The following CCBE1 variants were observed in gnomAD, a reference collection of about 807,000 sequenced individuals.
CCBE1 encodes the protein collagen and calcium binding EGF domains 1.
CCBE1 carries 37 observed loss-of-function variants against 50.0 expected under a neutral mutation model. That is an observed-to-expected ratio of 0.74 (90% CI 0.57 to 0.97). The LOEUF (loss-of-function observed/expected upper bound fraction) is 0.97, where lower values mean the gene tolerates loss of function less well. Ranked by LOEUF, CCBE1 falls within the 50% of genes least tolerant of loss-of-function variation. CCBE1 has a pLI of 0.00. For synonymous variants in CCBE1, 234 were observed against 203.7 expected (o/e 1.15, Z -1.27); for missense variants, 538 against 523.8 (o/e 1.03, Z -0.26).
At chr18:59,552,021 C>T (rs780340241) in intron 2 of CCBE1, among the ~76,000 whole-genome samples, 23 of 152,230 alleles carry the variant, frequency 1.5e-4, no homozygotes, top group Admixed American at 2.6e-4. Flanking sequence ...GTAACTGGCT[C>T]ACAGCTGGCC....
At chr18:59,692,074 T>C (rs1462296040) in intron 2 of CCBE1, among the ~76,000 whole-genome samples, 1 of 152,162 alleles carries the variant, frequency 6.6e-6, no homozygotes, top group Non-Finnish European at 1.5e-5. Context: ...TCTCCTACAT[T>C]TGAAAATAGC....
At chr18:59,667,123 G>T (rs967272037) in intron 2 of CCBE1, among the ~76,000 whole-genome samples, 2 of 151,792 alleles carry the variant, frequency 1.3e-5, no homozygotes, top group Admixed American at 1.3e-4. Flanking sequence ...AAAAAAAATA[G>T]CCAGGCCTGG....
intron 3 of CCBE1, among the ~76,000 whole-genome samples, chr18:59,470,284 G>A (rs978200526): frequency 6.6e-6 from 1 of 152,100 alleles, no homozygotes; most frequent in East Asian, 1.9e-4. Flanking sequence ...ATCAGATCTC[G>A]TGAGACTTAT....
At chr18:59,536,920 A>T (rs1915272298) in intron 2 of CCBE1, among the ~76,000 whole-genome samples, 1 of 149,874 alleles carries the variant, frequency 6.7e-6, no homozygotes, top group African/African-American at 2.5e-5. Flanking sequence ...TGATCTTGGG[A>T]GGCAGAGGTT....
intron 2 of CCBE1, among the ~76,000 whole-genome samples, chr18:59,509,934 GT>G (rs1914058944): frequency 2.0e-5 from 3 of 152,204 alleles, no homozygotes; most frequent in Admixed American, 2.0e-4. Flanking sequence ...AGGGAGGGGA[GT>G]GGCTGTGCAC....
At chr18:59,458,879 G>C (rs1483062600) in intron 5 of CCBE1, among the ~76,000 whole-genome samples, 1 of 152,222 alleles carries the variant, frequency 6.6e-6, no homozygotes, top group Non-Finnish European at 1.5e-5. Flanking sequence ...CAGAAGACTT[G>C]AAGCTCCTCT....
intron 2 of CCBE1, among the ~76,000 whole-genome samples, chr18:59,644,009 C>G (rs1321488466): frequency 6.6e-6 from 1 of 152,222 alleles, no homozygotes; most frequent in African/African-American, 2.4e-5. Context: ...GTCTATGGCA[C>G]TGGTCCCCAA....
intron 2 of CCBE1, among the ~76,000 whole-genome samples, chr18:59,583,644 C>T (rs1265704728): frequency 6.7e-6 from 1 of 149,760 alleles, no homozygotes; most frequent in Admixed American, 6.7e-5. Flanking sequence ...CTTACCCTGT[C>T]ACTGCTTTGC....
intron 2 of CCBE1, among the ~76,000 whole-genome samples, chr18:59,499,408 T>A (rs1227971168): frequency 6.6e-6 from 1 of 152,114 alleles, no homozygotes; most frequent in African/African-American, 2.4e-5. Context: ...ACACTACTGA[T>A]AGAGACATAC....
intron 2 of CCBE1, among the ~76,000 whole-genome samples, chr18:59,662,365 C>T (rs968749878): frequency 2.6e-5 from 4 of 152,228 alleles, no homozygotes; most frequent in African/African-American, 7.2e-5. Context: ...TCAGCAAGTA[C>T]ATCAATCTGC....
chr18:59,436,662 A>G (rs947376372), intron 10 of CCBE1, among the ~76,000 whole-genome samples: 1 of 152,194 alleles, frequency 6.6e-6, no homozygotes, highest in Non-Finnish European at 1.5e-5. Context: ...CTTTGAGCAT[A>G]ATACGTATTC....
In CCBE1 at chr18:59,600,899, A is replaced by G. The variant is rs145295098; in HGVS notation, c.212+95730T>C. On this transcript the variant is annotated intron_variant, in intron 2 of 10. Transcript: ENST00000439986. Reference sequence around the variant, plus strand: ...AGGGGTGGCAGGGAGGAGAGTATACATAATGATTTTTCCTTAGCAACTTTT... The same window carrying G: ...AGGGGTGGCAGGGAGGAGAGTATACGTAATGATTTTTCCTTAGCAACTTTT... 3.3e-4 allele frequency among the ~76,000 whole-genome samples: 50 copies of G among 151,796 alleles called. 1 individual carries two copies. Among genetic ancestry groups the G allele is most frequent in the African/African-American group, 1.1e-3 (46 of 41,424 alleles).
In CCBE1 at chr18:59,651,188, C is replaced by G. The variant is rs144870019; in HGVS notation, c.212+45441G>C. Reference sequence around the variant, plus strand: ...AGAAAGATAAGAACCTAGGATCTCACCAATTACAATGTGTTCCAGGGAAAA... The same window carrying G: ...AGAAAGATAAGAACCTAGGATCTCAGCAATTACAATGTGTTCCAGGGAAAA... On this transcript the variant is annotated intron_variant, in intron 2 of 10. Transcript: ENST00000439986. 3.5e-3 allele frequency among the ~76,000 whole-genome samples: 529 copies of G among 152,300 alleles called. 2 individuals carry two copies. Among genetic ancestry groups the G allele is most frequent in the Middle Eastern group, 0.034 (10 of 294 alleles).
At chr18:59,524,540 A>G (rs1052793078) in intron 2 of CCBE1, among the ~76,000 whole-genome samples, 2 of 152,216 alleles carry the variant, frequency 1.3e-5, no homozygotes, top group Non-Finnish European at 2.9e-5. Flanking sequence ...TGTAAAAGAA[A>G]CATAGATAAG....
At chr18:59,486,573 G>T (rs962910897) in intron 2 of CCBE1, among the ~76,000 whole-genome samples, 1 of 152,228 alleles carries the variant, frequency 6.6e-6, no homozygotes, top group Non-Finnish European at 1.5e-5. Context: ...CATGGCAAGA[G>T]GATTGTGCAG....
intron 2 of CCBE1, among the ~76,000 whole-genome samples, chr18:59,649,430 A>G (rs2054098807): frequency 6.6e-6 from 1 of 152,244 alleles, no homozygotes; most frequent in African/African-American, 2.4e-5. Flanking sequence ...CCAAAATGAA[A>G]AAGTCCTTTA....
intron 2 of CCBE1, among the ~76,000 whole-genome samples, chr18:59,517,248 T>C (rs1299548259): frequency 2.0e-5 from 3 of 152,238 alleles, no homozygotes; most frequent in African/African-American, 2.4e-5. Flanking sequence ...GGCATCAAAC[T>C]GGCTTTTATT....
chr18:59,681,862 CTT>C (rs920477319), intron 2 of CCBE1, among the ~76,000 whole-genome samples: 1 of 152,218 alleles, frequency 6.6e-6, no homozygotes, highest in African/African-American at 2.4e-5. Flanking sequence ...GATGATCACC[CTT>C]GTGTTAAGCA....
chr18:59,538,642 G>A (rs1480543167), intron 2 of CCBE1, among the ~76,000 whole-genome samples: 1 of 152,210 alleles, frequency 6.6e-6, no homozygotes, highest in Non-Finnish European at 1.5e-5. Context: ...AGGGACAAGA[G>A]TAAACAGTCA....
Sources: allele counts gnomAD v4.1 joint callset (sites outside exome capture counted in the v4.1 genomes callset), GRCh38; gene constraint gnomAD v4.1.1; transcripts MANE v1.5; gene names NCBI Gene and HGNC (gene_info 2026-07-23, HGNC 2026-07-21).